Variants in PIEZO2 observed in about 807,000 individuals in gnomAD.
PIEZO2 encodes the protein piezo-type mechanosensitive ion channel component 2.
A neutral mutation model predicts 337.3 loss-of-function variants in PIEZO2; 172 were observed. The observed-to-expected ratio is 0.51, with a 90% CI of 0.45 to 0.58. The LOEUF (loss-of-function observed/expected upper bound fraction) is 0.58, where lower values mean the gene tolerates loss of function less well. PIEZO2 is among the 20% of genes least tolerant of loss of function. The probability of loss-of-function intolerance (pLI) is 0.00; values close to 1 mark genes in which losing one functional copy is unlikely to be tolerated. For synonymous variants in PIEZO2, 1,251 were observed against 1,228.5 expected, an observed-to-expected ratio of 1.02 and a Z score of -0.38; for missense variants, 3,028 against 3,391.3, an observed-to-expected ratio of 0.89 and a Z score of 2.66.
At chr18:10,755,207 T>C (rs2037788230) in intron 27 of PIEZO2, among the ~76,000 whole-genome samples, 1 of 152,186 alleles carries the variant, frequency 6.6e-6, no homozygotes, top group East Asian at 1.9e-4. Flanking sequence ...AACAGGAATC[T>C]CTGGAAGATC....
chr18:10,944,040 T>G (rs2032870567), intron 3 of PIEZO2, among the ~76,000 whole-genome samples: 2 of 152,214 alleles, frequency 1.3e-5, no homozygotes, highest in Non-Finnish European at 2.9e-5. Context: ...CCAATAAACC[T>G]CTTTCTTTTG....
rs373302831 is a variant in PIEZO2, at chr18:10,784,086, T to C, written c.2492+698A>G. 7.9e-5 allele frequency among the ~76,000 whole-genome samples: 12 copies of C among 152,298 alleles called. No individual in the cohort carries two copies. Among genetic ancestry groups the C allele is most frequent in the African/African-American group, 2.9e-4 (12 of 41,568 alleles). On this transcript the variant is annotated intron_variant, in intron 17 of 55. Coordinates refer to ENST00000674853, the MANE Select transcript of PIEZO2 (RefSeq NM_001378183.1). This position sits in a 1 kb window ranked among gnomAD's most constrained non-coding sequence, Gnocchi z 4.5. Reference sequence around the variant, plus strand: ...AAACATGAGGCAGAAAGGAAAACCATTGTCAGCGTTCACTAAAAGAATGCT... The same window carrying C: ...AAACATGAGGCAGAAAGGAAAACCACTGTCAGCGTTCACTAAAAGAATGCT...
At chr18:10,811,289 T>C (rs1266593309) in intron 7 of PIEZO2, among the ~76,000 whole-genome samples, 2 of 152,220 alleles carry the variant, frequency 1.3e-5, no homozygotes, top group Non-Finnish European at 2.9e-5. Flanking sequence ...TTTGTAGTCA[T>C]AATTTGAATT....
chr18:11,091,366 A>G lies in PIEZO2; in HGVS notation c.65-25144T>C, dbSNP rs1598945601. On this transcript the variant is annotated intron_variant, in intron 1 of 55. Transcript: ENST00000674853. ...GACAGAGCACTCCAGCCTGGGCAAC[A>G]CAGCAAGACTCCGTCTCAAAAAAAA... Among the ~76,000 whole-genome samples, 3 of 150,130 alleles carry G rather than the reference A, an allele frequency of 2.0e-5. No individual in the cohort carries two copies. In the South Asian group the frequency reaches 6.4e-4, roughly 32 times the overall value.
chr18:10,771,620 T>C (rs2038606586), intron 20 of PIEZO2, among the ~76,000 whole-genome samples: 1 of 152,260 alleles, frequency 6.6e-6, no homozygotes, highest in South Asian at 2.1e-4. Context: ...TTCTAGTTAT[T>C]GTGAAGTATG....
intron 33 of PIEZO2, 126 bp downstream of exon 33, chr18:10,740,905 G>C: frequency 1.0e-6 from 1 of 1,003,338 alleles, no homozygotes; most frequent in Non-Finnish European, 1.5e-6. Context: ...CCTACACTCC[G>C]ACCCCCTATC....
intron 21 of PIEZO2, among the ~76,000 whole-genome samples, chr18:10,763,973 A>G (rs2038247920): frequency 1.3e-5 from 2 of 152,134 alleles, no homozygotes; most frequent in South Asian, 4.2e-4. Context: ...TGAGTGGATA[A>G]CAGTGCCATT....
chr18:11,066,283 CA>C, intron 1 of PIEZO2, 61 bp from the exon 2 acceptor site: 1 of 1,323,908 alleles, frequency 7.6e-7, no homozygotes. Context: ...TTGACAAAAC[CA>C]GGGGTGCATA....
Position 10,857,317 on chromosome 18 carries a change from C to A in PIEZO2, c.493-106G>T. The A allele has an allele frequency of 1.0e-5, 10 of 969,354 alleles. No individual in the cohort carries two copies. The Admixed American group carries it at 1.4e-4, about 14-fold the overall frequency. The allele number at this position is 969,354 out of a possible 1,614,324, so 60.0% of individuals were successfully genotyped here. On this transcript the variant is annotated intron_variant, in intron 5 of 55. Coordinates refer to ENST00000674853, the MANE Select transcript of PIEZO2 (RefSeq NM_001378183.1). ...GGGTCAGTCAACGTGGTGAATTTCA[C>A]AGATCAGGAAAAAAGGGAAGACAAC...
intron 2 of PIEZO2, among the ~76,000 whole-genome samples, chr18:10,996,364 C>A (rs2035318941): frequency 6.6e-6 from 1 of 152,148 alleles, no homozygotes; most frequent in Non-Finnish European, 1.5e-5. Context: ...GTGAAATTCA[C>A]ATAATAAAAA....
chr18:11,074,602 T>G lies in PIEZO2; in HGVS notation c.65-8380A>C, dbSNP rs181176352. The stretch of plus-strand genomic sequence containing the variant: ...TCGTAAACACTTGGACTTGCCTCAT[T>G]CATGAGTTTTATTTTCTAAAGATGA... On this transcript the variant is annotated intron_variant, in intron 1 of 55. Coordinates refer to ENST00000674853, the MANE Select transcript of PIEZO2 (RefSeq NM_001378183.1). 6.6e-5 allele frequency among the ~76,000 whole-genome samples: 10 copies of G among 152,352 alleles called. No individual in the cohort carries two copies. In the East Asian group the frequency reaches 1.7e-3, roughly 26 times the overall value.
chr18:10,993,950 C>T lies in PIEZO2; in HGVS notation c.161-14290G>A, dbSNP rs145817700. 1.3e-5 allele frequency among the ~76,000 whole-genome samples: 2 copies of T among 152,044 alleles called. No homozygotes were observed. Among genetic ancestry groups the T allele is most frequent in the African/African-American group, 4.8e-5 (2 of 41,454 alleles). Reference sequence around the variant, plus strand: ...AGTTATTTGTGAGATTTTGGTGTACCCATCACCCAAGAAGTATACACTGAA... The same window carrying T: ...AGTTATTTGTGAGATTTTGGTGTACTCATCACCCAAGAAGTATACACTGAA... On this transcript the variant is annotated intron_variant, in intron 2 of 55. Coordinates refer to ENST00000674853, the MANE Select transcript of PIEZO2 (RefSeq NM_001378183.1). The surrounding 1 kb of genome is among the most constrained non-coding windows in gnomAD (Gnocchi z 5.0).
chr18:10,911,985 T>A (rs1222769587), intron 3 of PIEZO2, among the ~76,000 whole-genome samples: 4 of 152,090 alleles, frequency 2.6e-5, no homozygotes, highest in African/African-American at 9.7e-5. Flanking sequence ...GAAAGCCAGG[T>A]GACACTGAAG....
rs572228035 is a variant in PIEZO2, at chr18:10,912,326, C to T, written c.287-1098G>A. Among the ~76,000 whole-genome samples, 5 of 152,204 alleles carry T rather than the reference C, an allele frequency of 3.3e-5. No homozygotes were observed. The East Asian group carries it at 5.8e-4, about 18-fold the overall frequency. On this transcript the variant is annotated intron_variant, in intron 3 of 55. Transcript: ENST00000674853. ...CCAAAAGTAAGGATTTGTGCTAACC[C>T]GTGCCATTTGTTTACATTTTCCTGA...
Position 10,686,943 on chromosome 18 carries a change from G to T in PIEZO2, c.7497+2712C>A, listed in dbSNP as rs566127535. ...AGAGGAGACAAGCGTCAGGGCAAAG[G>T]ACCTAGGAACCAAGATAAAAATGTA... On this transcript the variant is annotated intron_variant, in intron 49 of 55. Coordinates refer to ENST00000674853, the MANE Select transcript of PIEZO2 (RefSeq NM_001378183.1). Among the ~76,000 whole-genome samples, 16 of 152,234 alleles carry T rather than the reference G, an allele frequency of 1.1e-4. No homozygotes were observed. In the South Asian group the frequency reaches 3.3e-3, roughly 32 times the overall value.
intron 1 of PIEZO2, among the ~76,000 whole-genome samples, chr18:11,079,512 A>T (rs1490822235): frequency 6.6e-6 from 1 of 152,186 alleles, no homozygotes; most frequent in Non-Finnish European, 1.5e-5. Flanking sequence ...CTCCCCTATT[A>T]GTGATTCCTC....
rs573349212 is a variant in PIEZO2, at chr18:10,884,596, G to C, written c.330-13181C>G. Among the ~76,000 whole-genome samples the C allele has an allele frequency of 2.6e-5, 4 of 152,316 alleles. No homozygotes were observed. The South Asian group carries it at 8.3e-4, about 32-fold the overall frequency. On this transcript the variant is annotated intron_variant, in intron 4 of 55. Coordinates refer to ENST00000674853, the MANE Select transcript of PIEZO2 (RefSeq NM_001378183.1). ...ACATTGCCTGGCTAGTGAGCTGCCT[G>C]CTTCGTGGAGGTGGGGTATAAGGAC...
intron 35 of PIEZO2, among the ~76,000 whole-genome samples, chr18:10,734,014 C>T (rs969007518): frequency 6.6e-6 from 1 of 152,094 alleles, no homozygotes; most frequent in Non-Finnish European, 1.5e-5. Context: ...ACAGGGAGAG[C>T]TTTATCAAAG....
At position 11,032,592 on chromosome 18, in the gene PIEZO2, T is replaced by G. The variant is rs917462385; in HGVS notation, c.160+33535A>C. ...AACACAACAAATACCTCTGGAGATTTTGAAATACAAAGGATAGGTTTGTGC... is the reference window on the plus strand; with the variant it reads ...AACACAACAAATACCTCTGGAGATTGTGAAATACAAAGGATAGGTTTGTGC... On this transcript the variant is annotated intron_variant, in intron 2 of 55. Coordinates refer to ENST00000674853, the MANE Select transcript of PIEZO2 (RefSeq NM_001378183.1). The surrounding 1 kb of genome is among the most constrained non-coding windows in gnomAD (Gnocchi z 4.9). 6.6e-6 allele frequency among the ~76,000 whole-genome samples: 1 copy of G among 152,216 alleles called. No homozygotes were observed. The highest frequency in any genetic ancestry group is 2.1e-4 in the South Asian group (1 of 4,834).
Sources: allele counts gnomAD v4.1 joint callset (sites outside exome capture counted in the v4.1 genomes callset), GRCh38; gene constraint gnomAD v4.1.1; non-coding constraint Gnocchi (gnomAD v3.1); transcripts MANE v1.5; gene names NCBI Gene and HGNC (gene_info 2026-07-23, HGNC 2026-07-21).